SLC1A2: variants seen among roughly 807,000 people sequenced by gnomAD.
The protein encoded by SLC1A2 is excitatory amino acid transporter 2.
In SLC1A2, 15 loss-of-function variants were observed where a neutral mutation model predicts 48.8. The ratio of observed to expected loss-of-function variants is 0.31; its 90% CI spans 0.21 to 0.47. SLC1A2 has a LOEUF of 0.47. Ranked by LOEUF, SLC1A2 falls within the 20% of genes least tolerant of loss-of-function variation. The probability of loss-of-function intolerance (pLI) is 0.99; values close to 1 mark genes in which losing one functional copy is unlikely to be tolerated. For synonymous variants in SLC1A2, 279 were observed against 272.6 expected (o/e 1.02, Z -0.23); for missense variants, 502 against 730.5 (o/e 0.69, Z 3.61).
At chr11:35,315,401 AAGG>A in intron 2 of SLC1A2, 1 of 416,220 alleles carries the variant, frequency 2.4e-6, no homozygotes, top group Non-Finnish European at 4.5e-6. Flanking sequence ...CCAAAGAGTC[AAGG>A]AGAACTCAAG....
intron 8 of SLC1A2, among the ~76,000 whole-genome samples, chr11:35,284,164 T>C (rs1850740266): frequency 6.7e-6 from 1 of 149,900 alleles, no homozygotes; most frequent in Non-Finnish European, 1.5e-5. Context: ...GTGTGTGTAA[T>C]GGTTAAAAAC....
At chr11:35,306,294 G>T in intron 4 of SLC1A2, 52 bp from the exon 5 acceptor site, 1 of 1,082,018 alleles carries the variant, frequency 9.2e-7, no homozygotes, top group Non-Finnish European at 1.3e-6. Flanking sequence ...CCTATAAGGT[G>T]AAAAAAAAAA....
In SLC1A2 at chr11:35,254,889, C is replaced by A. The variant is rs1046609354; in HGVS notation, c.*6005G>T. The A allele has an allele frequency of 5.5e-5, 24 of 432,822 alleles. 1 individual carries two copies. Among genetic ancestry groups the A allele is most frequent in the Admixed American group, 4.8e-4 (18 of 37,364 alleles). The allele number at this position is 432,822 out of a possible 1,614,324, so 26.8% of individuals were successfully genotyped here. A position where few individuals can be genotyped will look rare whatever the true frequency, so the allele number is the denominator to read the frequency against. Reference sequence around the variant, plus strand: ...GGTTGGAAAGTGAAGCAAGGCTGGACATAGAAAAAAACTGATCAGTAGTTA... The same window carrying A: ...GGTTGGAAAGTGAAGCAAGGCTGGAAATAGAAAAAAACTGATCAGTAGTTA... On this transcript the variant is annotated 3_prime_UTR_variant, in exon 11 of 11. Coordinates refer to ENST00000278379, the MANE Select transcript of SLC1A2 (RefSeq NM_004171.4).
At chr11:35,304,914 T>A (rs1368621656) in intron 5 of SLC1A2, among the ~76,000 whole-genome samples, 1 of 152,240 alleles carries the variant, frequency 6.6e-6, no homozygotes, top group Non-Finnish European at 1.5e-5. Flanking sequence ...CATTCTGTAT[T>A]TTATCTGACA....
intron 1 of SLC1A2, among the ~76,000 whole-genome samples, chr11:35,412,629 T>G (rs908137645): frequency 6.6e-6 from 1 of 152,200 alleles, no homozygotes; most frequent in African/African-American, 2.4e-5. Context: ...TGCTATGAAA[T>G]AAATATCAGC....
At chr11:35,263,559 C>A (rs183755304) in intron 10 of SLC1A2, among the ~76,000 whole-genome samples, 101 of 152,306 alleles carry the variant, frequency 6.6e-4, no homozygotes, top group African/African-American at 2.4e-3. Context: ...GACATCTCCA[C>A]GCCCACACCT....
intron 1 of SLC1A2, among the ~76,000 whole-genome samples, chr11:35,355,438 C>G (rs1338104853): frequency 6.6e-6 from 1 of 152,138 alleles, no homozygotes; most frequent in African/African-American, 2.4e-5. Context: ...AGATGATTAG[C>G]ACTTGTAAGT....
intron 1 of SLC1A2, among the ~76,000 whole-genome samples, chr11:35,341,852 A>G (rs1852852546): frequency 6.6e-6 from 1 of 152,242 alleles, no homozygotes; most frequent in Non-Finnish European, 1.5e-5. Flanking sequence ...AAAACTGAGT[A>G]ATAACCTAAA....
intron 5 of SLC1A2, 98 bp downstream of exon 5, chr11:35,305,976 C>T: frequency 9.0e-7 from 1 of 1,114,874 alleles, no homozygotes; most frequent in Admixed American, 2.0e-5. Flanking sequence ...TCCTGCTCCA[C>T]CTAGAGGACA....
intron 1 of SLC1A2, among the ~76,000 whole-genome samples, chr11:35,338,562 T>C (rs1852717851): frequency 6.6e-6 from 1 of 152,174 alleles, no homozygotes; most frequent in African/African-American, 2.4e-5. Flanking sequence ...GGAGGAGCTC[T>C]TCTTTGCTGA....
chr11:35,348,892 CA>C (rs397752034), intron 1 of SLC1A2, among the ~76,000 whole-genome samples: 5,023 of 78,326 alleles, frequency 0.064, 134 homozygotes, highest in African/African-American at 0.17. Flanking sequence ...GACCTGGTCT[CA>C]AAAAAAAAAA....
chr11:35,300,961 C>T (rs1851335897), intron 6 of SLC1A2, among the ~76,000 whole-genome samples: 1 of 152,086 alleles, frequency 6.6e-6, no homozygotes, highest in African/African-American at 2.4e-5. Context: ...GGAGGCCGAG[C>T]CTGCGATGAG....
At chr11:35,345,595 G>T (rs1356835468) in intron 1 of SLC1A2, among the ~76,000 whole-genome samples, 7 of 152,104 alleles carry the variant, frequency 4.6e-5, no homozygotes, top group African/African-American at 1.7e-4. Flanking sequence ...ACGGGGAGCT[G>T]AAGGTTACCT....
At chr11:35,417,881 C>G (rs565517437) in intron 1 of SLC1A2, among the ~76,000 whole-genome samples, 1 of 152,326 alleles carries the variant, frequency 6.6e-6, no homozygotes, top group East Asian at 1.9e-4. Context: ...CTAAAACAAG[C>G]CTGCGGAGTT....
chr11:35,363,222 G>A (rs1030983985), intron 1 of SLC1A2, among the ~76,000 whole-genome samples: 2 of 152,296 alleles, frequency 1.3e-5, no homozygotes, highest in East Asian at 3.9e-4. Flanking sequence ...GTGGCTGCAG[G>A]TGAGGTTCAG....
chr11:35,360,936 T>C (rs1853658981), intron 1 of SLC1A2, among the ~76,000 whole-genome samples: 1 of 152,054 alleles, frequency 6.6e-6, no homozygotes, highest in Admixed American at 6.6e-5. Flanking sequence ...AGTACAGTGG[T>C]GCAATCTCGG....
intron 9 of SLC1A2, among the ~76,000 whole-genome samples, chr11:35,269,349 C>T (rs746685992): frequency 3.3e-5 from 5 of 152,216 alleles, no homozygotes; most frequent in Non-Finnish European, 5.9e-5. Context: ...GACACTTTCT[C>T]AACCATAATT....
At chr11:35,418,696 G>T in intron 1 of SLC1A2, 1 of 529,642 alleles carries the variant, frequency 1.9e-6, no homozygotes, top group Non-Finnish European at 3.3e-6. Flanking sequence ...CACACTCTCA[G>T]GCCCCCAGCG....
chr11:35,286,224 T>C (rs974987697), intron 8 of SLC1A2: 1 of 152,284 alleles, frequency 6.6e-6, no homozygotes, highest in African/African-American at 2.4e-5. Flanking sequence ...TTATTTGTAA[T>C]AAAATCTTAT....
Sources: gnomAD v4.1 joint callset for allele counts (sites outside exome capture counted in the v4.1 genomes callset) on GRCh38, gnomAD v4.1.1 for gene constraint, MANE v1.5 for transcripts, NCBI Gene and HGNC (gene_info 2026-07-23, HGNC 2026-07-21) for gene names.